OTOL1: variants seen among roughly 807,000 people sequenced by gnomAD.
OTOL1 encodes otolin-1.
OTOL1 carries 31 observed loss-of-function variants against 25.0 expected under a neutral mutation model. The ratio of observed to expected loss-of-function variants is 1.24; its 90% confidence interval spans 0.93 to 1.67. The LOEUF (loss-of-function observed/expected upper bound fraction) is 1.67. Ranked by LOEUF, OTOL1 falls within the 40% of genes most tolerant of loss-of-function variation. The pLI is 0.00. For missense variants in OTOL1, 654 were observed against 587.7 expected (o/e 1.11, Z -1.17); for synonymous variants, 225 against 210.3 (o/e 1.07, Z -0.61).
At chr3:161,502,747 C>A (rs1719006913) in intron 3 of OTOL1, among the ~76,000 whole-genome samples, 1 of 152,006 alleles carries the variant, frequency 6.6e-6, no homozygotes, top group Non-Finnish European at 1.5e-5. Flanking sequence ...TCCTAATATT[C>A]TTTATTATCT....
chr3:161,499,316 G>C lies in OTOL1; in HGVS notation c.454+56G>C, dbSNP rs1033890574. On this transcript the variant is annotated intron_variant, in intron 2 of 3. Transcript: ENST00000327928. Reference sequence around the variant, plus strand: ...GGACATTCTGCATCATTTTTCAGGAGAGCAATTTGCTACTTAAAGACTAGA... The same window carrying C: ...GGACATTCTGCATCATTTTTCAGGACAGCAATTTGCTACTTAAAGACTAGA... 4 of 1,357,926 alleles carry C rather than the reference G, an allele frequency of 2.9e-6. No individual in the cohort carries two copies. In the Admixed American group the frequency reaches 7.5e-5, roughly 25 times the overall value. The allele number at this position is 1,357,926 out of a possible 1,614,324, so 84.1% of individuals were successfully genotyped here.
chr3:161,497,278 T>C (rs974004665), intron 1 of OTOL1, 107 bp downstream of exon 1: 1 of 1,306,834 alleles, frequency 7.7e-7, no homozygotes, highest in Non-Finnish European at 1.1e-6. Flanking sequence ...GTTATGCAAA[T>C]AGTAACAGGT....
chr3:161,500,802 C>T (rs1718956801), intron 2 of OTOL1, among the ~76,000 whole-genome samples: 1 of 152,088 alleles, frequency 6.6e-6, no homozygotes, highest in African/African-American at 2.4e-5. Context: ...GTTTAATTTC[C>T]AAATTTTGCA....
At chr3:161,499,375 T>C in intron 2 of OTOL1, 115 bp downstream of exon 2, 1 of 738,718 alleles carries the variant, frequency 1.4e-6, no homozygotes, top group Non-Finnish European at 2.2e-6. Context: ...AAAATGTAAA[T>C]ACTTGATAAA....
At position 161,503,904 on chromosome 3, in the gene OTOL1, C is replaced by T; in HGVS notation, c.1396C>T (p.Leu466Phe). Residue 466 changes from leucine (L) to phenylalanine (F), a missense_variant, in exon 4 of 4, where the codon CTT becomes TTT. Physicochemically the swap from Leu to Phe is conservative, Grantham distance 22. Coordinates refer to ENST00000327928, the MANE Select transcript of OTOL1 (RefSeq NM_001080440.1). The stretch of plus-strand genomic sequence containing the variant: ...GGATGACAGCATTTTTACTGGGTTC[C>T]TTTTGTACCCAGAGGAAACTTCTGG... Reference protein sequence around the residue: ...AEDDSIFTGFLLYPEETSGIS... With the variant: ...AEDDSIFTGFFLYPEETSGIS... 6.2e-7 allele frequency: 1 copy of T among 1,613,252 alleles called. No individual in the cohort carries two copies. The highest frequency in any genetic ancestry group is 8.5e-7 in the Non-Finnish European group (1 of 1,179,604).
At chr3:161,497,588 G>T (rs913422743) in intron 1 of OTOL1, among the ~76,000 whole-genome samples, 2 of 152,070 alleles carry the variant, frequency 1.3e-5, no homozygotes, top group Non-Finnish European at 2.9e-5. Flanking sequence ...ATTAGTGGCT[G>T]ATTTAAAAAG....
In OTOL1 at chr3:161,503,858, T is replaced by TG; in HGVS notation, c.1354dup (p.Val452GlyfsTer6). ...GGCTTGAGGTGTCAAAAGATTGGAATGGGGTGTATGTCAGTGCTGAGGATG... is the reference window on the plus strand; with the variant it reads ...GGCTTGAGGTGTCAAAAGATTGGAATGGGGGTGTATGTCAGTGCTGAGGATG... On this transcript the variant is annotated frameshift_variant, in exon 4 of 4. Transcript: ENST00000327928. LOFTEE classifies it high-confidence loss of function. The TG allele has an allele frequency of 6.2e-7, 1 of 1,613,876 alleles. No homozygotes were observed.
At position 161,503,798 on chromosome 3, in the gene OTOL1, C is replaced by A. The variant is rs759583673; in HGVS notation, c.1290C>A (p.Leu430=). Residue 430 remains leucine (L), a synonymous_variant, in exon 4 of 4, where the codon CTC becomes CTA. Transcript: ENST00000327928. Reference sequence around the variant, plus strand: ...AGGAAATAGACCAGGCCTCTCTCCTCGTCATCTTGAAATTAAGTGCAGGAG... The same window carrying A: ...AGGAAATAGACCAGGCCTCTCTCCTAGTCATCTTGAAATTAAGTGCAGGAG... The part of the protein sequence containing the change: ...YGQEIDQASL[L]VILKLSAGDQ... 8.9e-5 allele frequency: 144 copies of A among 1,613,760 alleles called. No homozygotes were observed. The highest frequency in any genetic ancestry group is 1.2e-4 in the Non-Finnish European group (138 of 1,179,868).
chr3:161,503,503 G>A lies in OTOL1; in HGVS notation c.995G>A (p.Gly332Asp). 3.1e-6 allele frequency: 5 copies of A among 1,613,776 alleles called. No homozygotes were observed. Among genetic ancestry groups the A allele is most frequent in the Non-Finnish European group, 4.2e-6 (5 of 1,179,802 alleles). The change falls in exon 4 of 4, where the codon GGC becomes GAC. Residue 332 changes from glycine (G) to aspartate (D), a missense_variant. Coordinates refer to ENST00000327928, the MANE Select transcript of OTOL1 (RefSeq NM_001080440.1). Reference protein sequence around the residue: ...TGKKGSRGFKGSKGELARVPR... With the variant: ...TGKKGSRGFKDSKGELARVPR... ...AAGAAGGGCTCTCGGGGCTTTAAAG[G>A]CTCCAAGGGTGAGTTGGCTAGAGTG...
intron 2 of OTOL1, among the ~76,000 whole-genome samples, chr3:161,502,014 G>T (rs895130121): frequency 1.3e-5 from 2 of 152,072 alleles, no homozygotes; most frequent in African/African-American, 4.8e-5. Flanking sequence ...CTACAGGTGT[G>T]CACCACCAAA....
intron 2 of OTOL1, among the ~76,000 whole-genome samples, chr3:161,501,472 C>T (rs1018487461): frequency 1.3e-5 from 2 of 151,718 alleles, no homozygotes; most frequent in Non-Finnish European, 2.9e-5. Flanking sequence ...TCTGAAAATC[C>T]AGATGTTTTC....
In OTOL1 at chr3:161,497,147, G is replaced by T; in HGVS notation, c.340G>T (p.Glu114Ter). 1 of 1,612,582 alleles carries T rather than the reference G, an allele frequency of 6.2e-7. No individual in the cohort carries two copies. Among genetic ancestry groups the T allele is most frequent in the Non-Finnish European group, 8.5e-7 (1 of 1,179,164 alleles). Residue 114 changes from glutamate (E) to a stop codon, truncating the protein, a stop_gained, in exon 1 of 4, where the codon GAA (glutamate) becomes TAA (stop). Coordinates refer to ENST00000327928, the MANE Select transcript of OTOL1 (RefSeq NM_001080440.1). LOFTEE classifies it high-confidence loss of function. Reference protein sequence around the residue: ...CCSPVPGQKGEPGETGQPGPK... With the variant: ...CCSPVPGQKG ...TTCACCTGTACCCGGGCAGAAAGGA[G>T]AACCTGGAGAGACTGGACAGCCAGG...
chr3:161,502,484 T>A, intron 3 of OTOL1, 115 bp downstream of exon 3: 1 of 895,686 alleles, frequency 1.1e-6, no homozygotes, highest in Non-Finnish European at 1.8e-6. Context: ...CAAATTACTG[T>A]TATTCTTCTA....
intron 2 of OTOL1, 82 bp downstream of exon 2, chr3:161,499,342 T>C (rs1021056882): frequency 2.1e-6 from 2 of 962,804 alleles, no homozygotes; most frequent in African/African-American, 3.4e-5. Flanking sequence ...AAAGACTAGA[T>C]TCTTGCAGAT....
At chr3:161,497,350 A>C (rs1360874785) in intron 1 of OTOL1, among the ~76,000 whole-genome samples, 179 bp downstream of exon 1, 1 of 152,106 alleles carries the variant, frequency 6.6e-6, no homozygotes, top group African/African-American at 2.4e-5. Flanking sequence ...GTAATTAATA[A>C]ATATTAAAAT....
chr3:161,497,062 T>G lies in OTOL1; in HGVS notation c.255T>G (p.Ser85=), dbSNP rs376192618. The change falls in exon 1 of 4, where the codon TCT becomes TCG. Residue 85 remains serine, a synonymous_variant. Coordinates refer to ENST00000327928, the MANE Select transcript of OTOL1 (RefSeq NM_001080440.1). ...LDSVFGTATL[S]PFENFTLDPA... The stretch of plus-strand genomic sequence containing the variant: ...CTGTCTTTGGCACTGCCACTCTCTC[T>G]CCCTTTGAAAACTTCACTCTTGACC... 3 of 1,613,646 alleles carry G rather than the reference T, an allele frequency of 1.9e-6. No individual in the cohort carries two copies. Among genetic ancestry groups the G allele is most frequent in the African/African-American group, 1.3e-5 (1 of 74,912 alleles).
chr3:161,501,569 C>T (rs1234104213), intron 2 of OTOL1, among the ~76,000 whole-genome samples: 5 of 149,842 alleles, frequency 3.3e-5, no homozygotes, highest in Admixed American at 3.3e-4. Context: ...ACTTTTTTTT[C>T]TTATCATTGG....
intron 3 of OTOL1, 44 bp downstream of exon 3, chr3:161,502,413 T>A (rs367674807): frequency 1.3e-6 from 2 of 1,484,578 alleles, no homozygotes; most frequent in Non-Finnish European, 9.4e-7. Context: ...AGGTGCGCAG[T>A]ATAGCCCTTC....
At chr3:161,501,951 C>T (rs947926347) in intron 2 of OTOL1, among the ~76,000 whole-genome samples, 2 of 152,182 alleles carry the variant, frequency 1.3e-5, no homozygotes, top group African/African-American at 2.4e-5. Context: ...ACTGCAATCT[C>T]CACCTCCTGA....
Sources: allele counts gnomAD v4.1 joint callset (sites outside exome capture counted in the v4.1 genomes callset), GRCh38; gene constraint gnomAD v4.1.1; transcripts MANE v1.5; gene names NCBI Gene and HGNC (gene_info 2026-07-23, HGNC 2026-07-21).